The following HYDIN variants were observed in gnomAD, a reference collection of about 807,000 sequenced individuals.
HYDIN encodes the protein HYDIN axonemal central pair apparatus protein, also known as axonemal central pair apparatus protein HYDIN.
Under a neutral mutation model 403.9 loss-of-function variants are expected in HYDIN, and 132 were observed. The observed-to-expected ratio is 0.33, with a 90% confidence interval of 0.28 to 0.38. The LOEUF is 0.38. Ranked by LOEUF, HYDIN falls within the 10% of genes least tolerant of loss-of-function variation. The pLI is 1.00. For missense variants in HYDIN, 2,827 were observed against 5,009.5 expected, an observed-to-expected ratio of 0.56 and a Z score of 13.15; for synonymous variants, 1,202 against 1,891.7, an observed-to-expected ratio of 0.64 and a Z score of 9.46.
At position 71,158,415 on chromosome 16, in the gene HYDIN, T is replaced by A. The variant is rs186125858; in HGVS notation, c.716+4116A>T. Reference sequence around the variant, plus strand: ...GTAGATAGATAGAAAGATTTTATATTTTTTTTTGCAACTTCACACTATTAA... The same window carrying A: ...GTAGATAGATAGAAAGATTTTATATATTTTTTTGCAACTTCACACTATTAA... On this transcript the variant is annotated intron_variant, in intron 6 of 85. Coordinates refer to ENST00000393567, the MANE Select transcript of HYDIN (RefSeq NM_001270974.2). 3.7e-3 allele frequency among the ~76,000 whole-genome samples: 553 copies of A among 151,424 alleles called. 5 individuals carry two copies. Among genetic ancestry groups the A allele is most frequent in the African/African-American group, 0.011 (438 of 41,392 alleles).
intron 1 of HYDIN, among the ~76,000 whole-genome samples, chr16:71,228,882 A>G (rs2041156705): frequency 6.6e-6 from 1 of 152,272 alleles, no homozygotes; most frequent in East Asian, 1.9e-4. Context: ...CACTATTCAC[A>G]ATAGCAAAGA....
Position 70,866,950 on chromosome 16 carries a change from A to C in HYDIN, c.11311-621T>G, listed in dbSNP as rs547944875. 2.1e-4 allele frequency among the ~76,000 whole-genome samples: 31 copies of C among 147,602 alleles called. 1 individual carries two copies. In the South Asian group the frequency reaches 2.3e-3, roughly 11 times the overall value. On this transcript the variant is annotated intron_variant, in intron 66 of 85. Transcript: ENST00000393567. Reference sequence around the variant, plus strand: ...TGGGGCATGAGACTCTCTTGAACCTAGGAGGTGGAGGTTGCAGTGAGCCGA... The same window carrying C: ...TGGGGCATGAGACTCTCTTGAACCTCGGAGGTGGAGGTTGCAGTGAGCCGA...
chr16:70,913,827 GT>G (rs1236507348), intron 47 of HYDIN, among the ~76,000 whole-genome samples: 8 of 99,102 alleles, frequency 8.1e-5, no homozygotes, highest in African/African-American at 2.6e-4. Flanking sequence ...GTGCATCTGT[GT>G]TTAGGACTGT....
At position 71,079,275 on chromosome 16, in the gene HYDIN, C is replaced by A. The variant is rs549413346; in HGVS notation, c.1738+610G>T. ...CATCTCTTCAAATATTGCTCTTTGG[C>A]CATTTTCATTCTTTCTCCATCTAGC... On this transcript the variant is annotated intron_variant, in intron 13 of 85. Coordinates refer to ENST00000393567, the MANE Select transcript of HYDIN (RefSeq NM_001270974.2). Among the ~76,000 whole-genome samples the A allele has an allele frequency of 2.1e-3, 315 of 151,724 alleles. 1 individual carries two copies. The highest frequency in any genetic ancestry group is 0.014 in the Middle Eastern group (4 of 294).
rs199738079 is a variant in HYDIN, at chr16:71,186,859, C to A, written c.37G>T (p.Val13Phe). ...AACATATTGACCAATCCCATCTGAA[C>A]AGCCCCCATGGACTCCTCAAGTCTT... ...SRRLEESMGA[V>F]QMGLVNMFKG... The change falls in exon 2 of 86, where the codon GTT (valine) becomes TTT (phenylalanine). Residue 13 changes from valine to phenylalanine, a missense_variant. Coordinates refer to ENST00000393567, the MANE Select transcript of HYDIN (RefSeq NM_001270974.2). 319 of 1,613,040 alleles carry A rather than the reference C, an allele frequency of 2.0e-4. No homozygotes were observed. The highest frequency in any genetic ancestry group is 1.2e-3 in the Admixed American group (74 of 60,008).
At chr16:71,152,267 C>T (rs1597894019) in intron 7 of HYDIN, among the ~76,000 whole-genome samples, 1 of 151,836 alleles carries the variant, frequency 6.6e-6, no homozygotes, top group East Asian at 1.9e-4. Context: ...TTAGCTTACT[C>T]GAATGCAGCC....
intron 28 of HYDIN, among the ~76,000 whole-genome samples, chr16:70,982,308 C>T (rs2079071151): frequency 1.3e-5 from 2 of 150,866 alleles, no homozygotes; most frequent in African/African-American, 4.9e-5. Context: ...TGATCTGTAT[C>T]CTATACAGAA....
intron 23 of HYDIN, among the ~76,000 whole-genome samples, chr16:71,005,077 TTCTTTGTTGAGA>T (rs2079851600): frequency 2.0e-5 from 3 of 152,250 alleles, no homozygotes; most frequent in Non-Finnish European, 4.4e-5. Context: ...ACAGAACAGA[TTCTTTGTTGAGA>T]TCTGCTTTAA....
At chr16:71,214,712 G>C (rs1281992940) in intron 1 of HYDIN, among the ~76,000 whole-genome samples, 1 of 152,136 alleles carries the variant, frequency 6.6e-6, no homozygotes, top group Non-Finnish European at 1.5e-5. Context: ...TCTATTCTTT[G>C]GGCAGACAAT....
chr16:71,061,310 A>G (rs1008521257), intron 17 of HYDIN, among the ~76,000 whole-genome samples: 6 of 149,468 alleles, frequency 4.0e-5, no homozygotes, highest in African/African-American at 1.5e-4. Flanking sequence ...ATGCTGTTTT[A>G]TAAGTTAAGT....
intron 38 of HYDIN, among the ~76,000 whole-genome samples, 197 bp from the exon 39 acceptor site, chr16:70,960,017 A>G (rs2078363045): frequency 6.6e-6 from 1 of 152,242 alleles, no homozygotes; most frequent in Non-Finnish European, 1.5e-5. Context: ...ATAGCTACTA[A>G]AATAAAAAAA....
At chr16:71,118,213 G>T (rs1454069419) in intron 9 of HYDIN, among the ~76,000 whole-genome samples, 1 of 151,800 alleles carries the variant, frequency 6.6e-6, no homozygotes, top group African/African-American at 2.4e-5. Context: ...CCTGGTACTG[G>T]GAATGCATTG....
intron 55 of HYDIN, 92 bp downstream of exon 55, chr16:70,894,357 G>A (rs1285648958): frequency 5.1e-6 from 8 of 1,571,582 alleles, no homozygotes; most frequent in Non-Finnish European, 6.9e-6. Flanking sequence ...AAACCCTATC[G>A]GATTCAGGTT....
chr16:71,158,584 T>C (rs1304028063), intron 6 of HYDIN, among the ~76,000 whole-genome samples: 1 of 142,938 alleles, frequency 7.0e-6, no homozygotes, highest in Non-Finnish European at 1.5e-5. Flanking sequence ...GTAGATTCTT[T>C]TTTTCATAGA....
rs568959062 is a variant in HYDIN at position 71,115,232 on chromosome 16, T to C, written c.1327+464A>G. Among the ~76,000 whole-genome samples, 31 of 152,204 alleles carry C rather than the reference T, an allele frequency of 2.0e-4. 1 individual carries two copies. Among genetic ancestry groups the C allele is most frequent in the Admixed American group, 1.7e-3 (26 of 15,286 alleles). On this transcript the variant is annotated intron_variant, in intron 10 of 85. Transcript: ENST00000393567. ...TGATAGTGAGTGAGTTCTCACGAGA[T>C]CTGATGGTTTTATAAGGGGCTCTTT...
chr16:70,872,464 TCATC>T (rs1360498799), intron 64 of HYDIN, among the ~76,000 whole-genome samples: 2 of 134,466 alleles, frequency 1.5e-5, no homozygotes, highest in South Asian at 2.6e-4. Context: ...TCCATCCCTC[TCATC>T]CATCCATTAT....
At chr16:70,921,831 C>T (rs1235263541) in intron 45 of HYDIN, among the ~76,000 whole-genome samples, 1 of 152,202 alleles carries the variant, frequency 6.6e-6, no homozygotes, top group African/African-American at 2.4e-5. Context: ...AATTTGGCTG[C>T]ACCTCAGGCT....
chr16:71,032,258 T>C (rs1248912298), intron 18 of HYDIN, among the ~76,000 whole-genome samples: 1 of 151,680 alleles, frequency 6.6e-6, no homozygotes, highest in African/African-American at 2.4e-5. Flanking sequence ...CAATACTCTT[T>C]ATGGAGTTTG....
intron 11 of HYDIN, among the ~76,000 whole-genome samples, chr16:71,090,842 G>C (rs1445666744): frequency 6.8e-6 from 1 of 147,836 alleles, no homozygotes; most frequent in African/African-American, 2.5e-5. Context: ...CTAATAGAAT[G>C]GGTTTAAATT....
Sources: gnomAD v4.1 joint callset for allele counts (sites outside exome capture counted in the v4.1 genomes callset) on GRCh38, gnomAD v4.1.1 for gene constraint, MANE v1.5 for transcripts, NCBI Gene and HGNC (gene_info 2026-07-23, HGNC 2026-07-21) for gene names.